The following GAREM1 variants were observed in gnomAD, a reference collection of about 807,000 sequenced individuals.
GAREM1 encodes GRB2 associated regulator of MAPK1 subtype 1, also known as GRB2-associated and regulator of MAPK protein 1.
GAREM1 carries 26 observed loss-of-function variants against 71.3 expected under a neutral mutation model. The ratio of observed to expected loss-of-function variants is 0.36; its 90% CI spans 0.27 to 0.51. The LOEUF (loss-of-function observed/expected upper bound fraction) is 0.51. GAREM1 is among the 20% of genes least tolerant of loss of function. The pLI, the probability that GAREM1 is intolerant of heterozygous loss-of-function variation, is 0.95. For synonymous variants in GAREM1, 440 were observed against 433.2 expected (o/e 1.02, Z -0.20); for missense variants, 1,026 against 1,103.1 (o/e 0.93, Z 0.99).
chr18:32,459,974 A>G (rs1202947653), intron 1 of GAREM1, among the ~76,000 whole-genome samples: 1 of 152,182 alleles, frequency 6.6e-6, no homozygotes, highest in Non-Finnish European at 1.5e-5. Flanking sequence ...ACAGTAACAG[A>G]TATGTTTTAA....
At chr18:32,429,304 T>A (rs974368630) in intron 1 of GAREM1, among the ~76,000 whole-genome samples, 2 of 152,198 alleles carry the variant, frequency 1.3e-5, no homozygotes, top group African/African-American at 4.8e-5. Flanking sequence ...TTTAATAATT[T>A]TGGAGTCCAT....
At chr18:32,377,843 G>A (rs1458063311) in intron 2 of GAREM1, among the ~76,000 whole-genome samples, 2 of 152,160 alleles carry the variant, frequency 1.3e-5, no homozygotes, top group African/African-American at 2.4e-5. Flanking sequence ...GATTACAGGC[G>A]TGAGCCACCG....
At chr18:32,451,248 T>TCCCC (rs1164223308) in intron 1 of GAREM1, among the ~76,000 whole-genome samples, 2 of 102,438 alleles carry the variant, frequency 2.0e-5, no homozygotes, top group African/African-American at 3.4e-5. Flanking sequence ...AGAGCCCCCA[T>TCCCC]CCCCCCACCC....
At position 32,267,555 on chromosome 18, in the gene GAREM1, A is replaced by G. The variant is rs1296527692; in HGVS notation, c.*316T>C. The G allele has an allele frequency of 5.0e-6, 1 of 201,728 alleles. No homozygotes were observed. Among genetic ancestry groups the G allele is most frequent in the Non-Finnish European group, 9.8e-6 (1 of 102,206 alleles). 12.5% of individuals were successfully genotyped at this position (201,728 alleles called of 1,614,324 possible). A position where few individuals can be genotyped will look rare whatever the true frequency, so the allele number is the denominator to read the frequency against. Reference sequence around the variant, plus strand: ...CTTCCAGCTTTGGCTATTTTGTAATAAATATCATACCTTCTCACATAAACC... The same window carrying G: ...CTTCCAGCTTTGGCTATTTTGTAATGAATATCATACCTTCTCACATAAACC... On this transcript the variant is annotated 3_prime_UTR_variant, in exon 6 of 6. Coordinates refer to ENST00000269209, the MANE Select transcript of GAREM1 (RefSeq NM_001242409.2).
intron 2 of GAREM1, among the ~76,000 whole-genome samples, chr18:32,391,310 G>A (rs2048195294): frequency 1.3e-5 from 2 of 152,138 alleles, no homozygotes; most frequent in Non-Finnish European, 2.9e-5. Flanking sequence ...TCAGTTTGGA[G>A]AAGTAGACCA....
At chr18:32,428,933 G>GTTT in intron 1 of GAREM1, among the ~76,000 whole-genome samples, 1 of 146,838 alleles carries the variant, frequency 6.8e-6, no homozygotes. Context: ...AGTAGTTCAA[G>GTTT]TTTTTTTTTT....
chr18:32,327,507 C>T (rs760196323), intron 2 of GAREM1, among the ~76,000 whole-genome samples: 2 of 151,818 alleles, frequency 1.3e-5, no homozygotes, highest in Admixed American at 6.6e-5. Context: ...ATGAAGAAAG[C>T]GGGGATGATG....
intron 2 of GAREM1, among the ~76,000 whole-genome samples, chr18:32,379,253 T>C (rs1054198521): frequency 5.3e-5 from 8 of 152,060 alleles, no homozygotes; most frequent in African/African-American, 1.9e-4. Context: ...TCACCAGTTG[T>C]CCCCTCTTCA....
chr18:32,391,821 A>G (rs937734658), intron 2 of GAREM1, among the ~76,000 whole-genome samples: 8 of 152,190 alleles, frequency 5.3e-5, no homozygotes, highest in African/African-American at 1.9e-4. Flanking sequence ...AGGCCACAGA[A>G]ATTCTGTCTT....
At chr18:32,311,452 T>C (rs1488035543) in intron 2 of GAREM1, among the ~76,000 whole-genome samples, 3 of 152,240 alleles carry the variant, frequency 2.0e-5, no homozygotes, top group Non-Finnish European at 4.4e-5. Flanking sequence ...AAAGCTTACA[T>C]TCCAGCAGGA....
intron 1 of GAREM1, among the ~76,000 whole-genome samples, chr18:32,445,241 G>A (rs529483155): frequency 6.6e-6 from 1 of 152,096 alleles, no homozygotes; most frequent in East Asian, 1.9e-4. Context: ...GAATGCAGGT[G>A]GGAAAATATA....
chr18:32,436,325 C>T (rs1434761078), intron 1 of GAREM1, among the ~76,000 whole-genome samples: 1 of 152,186 alleles, frequency 6.6e-6, no homozygotes, highest in African/African-American at 2.4e-5. Flanking sequence ...AGAGCCATTA[C>T]AGTCACACTC....
intron 1 of GAREM1, among the ~76,000 whole-genome samples, chr18:32,465,124 T>C (rs941765118): frequency 2.6e-5 from 4 of 152,122 alleles, no homozygotes; most frequent in African/African-American, 9.7e-5. Flanking sequence ...ATTCTTTAAA[T>C]TATCATTCCC....
intron 1 of GAREM1, among the ~76,000 whole-genome samples, chr18:32,469,881 G>C (rs1392878835): frequency 2.0e-5 from 3 of 152,240 alleles, no homozygotes; most frequent in South Asian, 4.1e-4. Flanking sequence ...TCTGTTTGGC[G>C]GGGGATGGGG....
chr18:32,344,678 A>C (rs915343620), intron 2 of GAREM1, among the ~76,000 whole-genome samples: 2 of 152,254 alleles, frequency 1.3e-5, no homozygotes, highest in Admixed American at 6.5e-5. Context: ...CAAAATAAAC[A>C]CTGTCGAATG....
chr18:32,324,482 T>C (rs2047457061), intron 2 of GAREM1, among the ~76,000 whole-genome samples: 2 of 152,176 alleles, frequency 1.3e-5, no homozygotes, highest in South Asian at 4.1e-4. Context: ...GCCTTGATTA[T>C]GAGAGATTTA....
intron 2 of GAREM1, among the ~76,000 whole-genome samples, chr18:32,385,113 C>A (rs2144647533): frequency 6.6e-6 from 1 of 152,048 alleles, no homozygotes; most frequent in East Asian, 1.9e-4. Context: ...TTCTCAGATT[C>A]CATTATACTT....
At chr18:32,369,386 C>CACAA (rs140287417) in intron 2 of GAREM1, among the ~76,000 whole-genome samples, 5,294 of 152,222 alleles carry the variant, frequency 0.035, 133 homozygotes, top group East Asian at 0.11. Flanking sequence ...CTAATTTCAG[C>CACAA]ACAGACAGAC....
chr18:32,432,146 T>C lies in GAREM1; in HGVS notation c.121+38162A>G, dbSNP rs542797227. Among the ~76,000 whole-genome samples, 195 of 152,272 alleles carry C rather than the reference T, an allele frequency of 1.3e-3. 1 individual carries two copies. The highest frequency in any genetic ancestry group is 4.5e-3 in the African/African-American group (187 of 41,576). ...GGAAGAATAATAGAAATAGTAAATA[T>C]CTGGGTAAATACCACAGACTATTCT... is the stretch of plus-strand genomic sequence containing the variant. On this transcript the variant is annotated intron_variant, in intron 1 of 5. Coordinates refer to ENST00000269209, the MANE Select transcript of GAREM1 (RefSeq NM_001242409.2).
Sources: gnomAD v4.1 joint callset for allele counts (sites outside exome capture counted in the v4.1 genomes callset) on GRCh38, gnomAD v4.1.1 for gene constraint, MANE v1.5 for transcripts, NCBI Gene and HGNC (gene_info 2026-07-23, HGNC 2026-07-21) for gene names.